Variants in FAF2 observed in about 807,000 individuals in gnomAD.
The protein encoded by FAF2 is Fas associated factor family member 2, also known as FAS-associated factor 2.
Under a neutral mutation model 62.3 loss-of-function variants are expected in FAF2, and 9 were observed. That is an observed-to-expected ratio of 0.14 (90% CI 0.09 to 0.25). The LOEUF (loss-of-function observed/expected upper bound fraction) is 0.25, where lower values mean the gene tolerates loss of function less well. Ranked by LOEUF, FAF2 falls within the 10% of genes least tolerant of loss-of-function variation. FAF2 has a pLI of 1.00. For synonymous variants in FAF2, 202 were observed against 198.0 expected (o/e 1.02, Z -0.17); for missense variants, 368 against 556.2 (o/e 0.66, Z 3.40).
At chr5:176,464,332 G>A (rs1368396413) in intron 1 of FAF2, among the ~76,000 whole-genome samples, 3 of 151,914 alleles carry the variant, frequency 2.0e-5, no homozygotes, top group Admixed American at 6.6e-5. Flanking sequence ...ATGTATATTC[G>A]AATATTTATA....
At chr5:176,495,636 C>T (rs1266338469) in intron 7 of FAF2, among the ~76,000 whole-genome samples, 3 of 151,776 alleles carry the variant, frequency 2.0e-5, no homozygotes, top group Middle Eastern at 3.4e-3. Flanking sequence ...CTCAGCCTCT[C>T]GCCTATCTGG....
At chr5:176,500,948 G>GA (rs1755580195) in intron 10 of FAF2, among the ~76,000 whole-genome samples, 1 of 152,058 alleles carries the variant, frequency 6.6e-6, no homozygotes, top group Non-Finnish European at 1.5e-5. Context: ...CCAACATGGT[G>GA]AAACCTCGTC....
At chr5:176,499,119 C>A in intron 9 of FAF2, 34 bp downstream of exon 9, 1 of 1,526,618 alleles carries the variant, frequency 6.6e-7, no homozygotes. Flanking sequence ...CCTGTGGTTC[C>A]CAAACTGCCG....
At chr5:176,468,905 C>T (rs1758515835) in intron 1 of FAF2, among the ~76,000 whole-genome samples, 2 of 151,920 alleles carry the variant, frequency 1.3e-5, no homozygotes, top group South Asian at 2.1e-4. Context: ...GATCATGCTA[C>T]TGTACTCCAG....
intron 1 of FAF2, among the ~76,000 whole-genome samples, chr5:176,476,317 G>A (rs753759159): frequency 1.3e-5 from 2 of 152,116 alleles, no homozygotes; most frequent in Non-Finnish European, 2.9e-5. Context: ...GTGAGATTTT[G>A]TGATAATATC....
intron 10 of FAF2, among the ~76,000 whole-genome samples, chr5:176,500,467 A>G (rs1192252786): frequency 1.3e-5 from 2 of 152,194 alleles, no homozygotes; most frequent in African/African-American, 2.4e-5. Context: ...AGGCTCTTCC[A>G]TGCTGTCTTC....
intron 3 of FAF2, among the ~76,000 whole-genome samples, chr5:176,487,854 T>C (rs887739814): frequency 6.6e-6 from 1 of 152,166 alleles, no homozygotes; most frequent in African/African-American, 2.4e-5. Context: ...TTTGTTTGTT[T>C]TGTTTTGGGA....
At chr5:176,496,181 T>C (rs969638528) in intron 7 of FAF2, among the ~76,000 whole-genome samples, 3 of 152,026 alleles carry the variant, frequency 2.0e-5, no homozygotes, top group Admixed American at 6.6e-5. Flanking sequence ...AAACAAAAGA[T>C]TACAAAACTG....
At chr5:176,500,268 A>C in intron 10 of FAF2, 122 bp downstream of exon 10, 1 of 936,660 alleles carries the variant, frequency 1.1e-6, no homozygotes, top group South Asian at 1.7e-5. Context: ...GAACAGAGAG[A>C]GAGAGAGAGA....
At chr5:176,474,004 T>C (rs1758618991) in intron 1 of FAF2, among the ~76,000 whole-genome samples, 1 of 152,244 alleles carries the variant, frequency 6.6e-6, no homozygotes, top group Non-Finnish European at 1.5e-5. Context: ...TGATTCTTTT[T>C]ATTAGAGAAT....
rs776471303 is a variant in FAF2, at chr5:176,448,415, C to T, written c.8C>T (p.Ala3Val). 1 of 1,606,000 alleles carries T rather than the reference C, an allele frequency of 6.2e-7. No homozygotes were observed. The highest frequency in any genetic ancestry group is 8.5e-7 in the Non-Finnish European group (1 of 1,176,674). Residue 3 changes from alanine to valine, a missense_variant, in exon 1 of 11, where the codon GCG (alanine) becomes GTG (valine). Coordinates refer to ENST00000261942, the MANE Select transcript of FAF2 (RefSeq NM_014613.3). ...CGTAGAGGCGGCGGCAAAATGGCGG[C>T]GCCTGAGGAGCGGGATCTAACCCAG... Reference protein sequence around the residue: MAAPEERDLTQEQ... With the variant: MAVPEERDLTQEQ...
intron 1 of FAF2, among the ~76,000 whole-genome samples, chr5:176,470,585 T>G (rs1376407695): frequency 1.3e-5 from 2 of 152,192 alleles, no homozygotes; most frequent in Non-Finnish European, 2.9e-5. Context: ...TCTCCAAACA[T>G]ATAAATGAAT....
intron 1 of FAF2, among the ~76,000 whole-genome samples, chr5:176,469,627 G>A (rs1308092297): frequency 2.0e-5 from 3 of 152,186 alleles, no homozygotes; most frequent in East Asian, 1.9e-4. Context: ...TGTGGGTCAA[G>A]AACTTTAAAA....
Position 176,486,443 on chromosome 5 carries a change from C to G in FAF2, c.221C>G (p.Ala74Gly). The change falls in exon 3 of 11, where the codon GCT becomes GGT. Residue 74 changes from alanine to glycine, a missense_variant. Ala to Gly is a moderately conservative substitution (Grantham distance 60). Transcript: ENST00000261942. ...TCACGACCCCTGCAGGTTAATACAGCTGACCACAGGATCTACAGCTATGTT... is the reference window on the plus strand; with the variant it reads ...TCACGACCCCTGCAGGTTAATACAGGTGACCACAGGATCTACAGCTATGTT... ...PPSRPLQVNT[A>G]DHRIYSYVVS... The G allele has an allele frequency of 6.2e-7, 1 of 1,614,186 alleles. No individual in the cohort carries two copies. Among genetic ancestry groups the G allele is most frequent in the Non-Finnish European group, 8.5e-7 (1 of 1,179,994 alleles).
chr5:176,479,133 C>A, intron 1 of FAF2, 55 bp from the exon 2 acceptor site: 3 of 1,392,326 alleles, frequency 2.2e-6, no homozygotes, highest in East Asian at 4.6e-5. Flanking sequence ...TAAAAATACT[C>A]ACACGTATAC....
Position 176,494,153 on chromosome 5 carries a change from G to T in FAF2, c.570-31G>T. 1 of 1,543,494 alleles carries T rather than the reference G, an allele frequency of 6.5e-7. No homozygotes were observed. Among genetic ancestry groups the T allele is most frequent in the East Asian group, 2.4e-5 (1 of 41,440 alleles). On this transcript the variant is annotated intron_variant, in intron 6 of 10. Coordinates refer to ENST00000261942, the MANE Select transcript of FAF2 (RefSeq NM_014613.3). This position sits in a 1 kb window ranked among gnomAD's most constrained non-coding sequence, Gnocchi z 4.0. ...GGTGACAGTTTATAGTCAGCAAGTT[G>T]TTCTCATATCCTTTTCATACCTTTC...
At chr5:176,477,078 G>A (rs1247689089) in intron 1 of FAF2, among the ~76,000 whole-genome samples, 1 of 149,590 alleles carries the variant, frequency 6.7e-6, no homozygotes, top group Non-Finnish European at 1.5e-5. Flanking sequence ...AAAGTGCTGA[G>A]ATTACAGGCG....
intron 1 of FAF2, among the ~76,000 whole-genome samples, chr5:176,470,622 G>C (rs1323289908): frequency 6.6e-6 from 1 of 152,004 alleles, no homozygotes; most frequent in East Asian, 1.9e-4. Context: ...ACTTATACTA[G>C]GTTTAAAAAC....
In FAF2 at chr5:176,477,244, C is replaced by CT. The variant is rs61443027; in HGVS notation, c.64-1924dup. ...ACAGGCATGAGCCACCGTGCCCGGC[C>CT]TTTTTTTTTTTTTTTTTTTTAAGTA... On this transcript the variant is annotated intron_variant, in intron 1 of 10. Transcript: ENST00000261942. Among the ~76,000 whole-genome samples the CT allele has an allele frequency of 1.2e-3, 97 of 78,410 alleles. 2 individuals carry two copies. The highest frequency in any genetic ancestry group is 5.2e-3 in the East Asian group (13 of 2,508). 51.4% of individuals were successfully genotyped at this position (78,410 alleles called of 152,430 possible). A position where few individuals can be genotyped will look rare whatever the true frequency, so the allele number is the denominator to read the frequency against.
Sources: allele counts gnomAD v4.1 joint callset (sites outside exome capture counted in the v4.1 genomes callset), GRCh38; gene constraint gnomAD v4.1.1; non-coding constraint Gnocchi (gnomAD v3.1); transcripts MANE v1.5; gene names NCBI Gene and HGNC (gene_info 2026-07-23, HGNC 2026-07-21).